The following SEC23IP variants were observed in gnomAD, a reference collection of about 807,000 sequenced individuals.
SEC23IP encodes the protein SEC23 interacting protein.
In SEC23IP, 70 loss-of-function variants were observed where a neutral mutation model predicts 113.4. The ratio of observed to expected loss-of-function variants is 0.62; its 90% CI spans 0.51 to 0.75. SEC23IP has a LOEUF of 0.75. SEC23IP is among the 30% of genes least tolerant of loss of function. The pLI is 0.00. For synonymous variants in SEC23IP, 398 were observed against 421.0 expected (o/e 0.95, Z 0.67); for missense variants, 1,160 against 1,204.9 (o/e 0.96, Z 0.55).
chr10:119,910,400 T>C (rs913455709), intron 5 of SEC23IP, among the ~76,000 whole-genome samples: 2 of 152,214 alleles, frequency 1.3e-5, no homozygotes, highest in African/African-American at 4.8e-5. Context: ...CAGGGTCATA[T>C]TTTAGATGAA....
At chr10:119,895,651 C>A (rs1439664211) in intron 1 of SEC23IP, among the ~76,000 whole-genome samples, 4 of 152,122 alleles carry the variant, frequency 2.6e-5, no homozygotes, top group Admixed American at 6.5e-5. Context: ...GGAGGTGATG[C>A]TTGAGCTGAG....
chr10:119,918,655 G>A (rs1855135803), intron 10 of SEC23IP, 144 bp downstream of exon 10: 2 of 635,610 alleles, frequency 3.1e-6, no homozygotes, highest in East Asian at 2.8e-5. Flanking sequence ...GGTTGCTTGG[G>A]CTAGTCTTGA....
intron 2 of SEC23IP, among the ~76,000 whole-genome samples, chr10:119,900,731 A>T (rs1225162177): frequency 6.6e-6 from 1 of 152,142 alleles, no homozygotes; most frequent in African/African-American, 2.4e-5. Context: ...AAGTGCTGGG[A>T]TTACAGGTGT....
rs896881253 is a variant in SEC23IP, at chr10:119,904,413, A to C, written c.1101+136A>C. 3 of 719,194 alleles carry C rather than the reference A, an allele frequency of 4.2e-6. No homozygotes were observed. The African/African-American group carries it at 5.4e-5, about 13-fold the overall frequency. The allele number at this position is 719,194 out of a possible 1,614,324, so 44.6% of individuals were successfully genotyped here. A position where few individuals can be genotyped will look rare whatever the true frequency, so the allele number is the denominator to read the frequency against. On this transcript the variant is annotated intron_variant, in intron 4 of 18. Transcript: ENST00000369075. ...TTTGATGCTGTTCACAGAGAAGATT[A>C]CTTTTTAAGTGGTGTCATCACTCAT...
intron 2 of SEC23IP, 54 bp downstream of exon 2, chr10:119,899,013 C>A: frequency 2.2e-6 from 3 of 1,381,678 alleles, no homozygotes; most frequent in Non-Finnish European, 2.9e-6. Flanking sequence ...TTCTTTCTCA[C>A]CTGAACCTAT....
chr10:119,919,599 A>C lies in SEC23IP; in HGVS notation c.2025+3A>C, dbSNP rs1855175650. On this transcript the variant is annotated splice_donor_region_variant and intron_variant, in intron 11 of 18. Coordinates refer to ENST00000369075, the MANE Select transcript of SEC23IP (RefSeq NM_007190.4). ...AAAAGATTGATATGGAGTCCCTGGT[A>C]CTGATCATAGTTTGCTTCATTTTGT... 1 of 1,582,794 alleles carries C rather than the reference A, an allele frequency of 6.3e-7. No homozygotes were observed. The highest frequency in any genetic ancestry group is 8.5e-7 in the Non-Finnish European group (1 of 1,170,100).
intron 13 of SEC23IP, among the ~76,000 whole-genome samples, chr10:119,926,631 T>C (rs1855433827): frequency 6.6e-6 from 1 of 152,234 alleles, no homozygotes; most frequent in African/African-American, 2.4e-5. Flanking sequence ...GGAAAAAGTC[T>C]TATAAAAATT....
intron 12 of SEC23IP, among the ~76,000 whole-genome samples, chr10:119,923,553 GTT>G (rs1244146793): frequency 7.0e-6 from 1 of 142,760 alleles, no homozygotes. Flanking sequence ...TGTTGGTTCC[GTT>G]TTTTTTTTTT....
In SEC23IP at chr10:119,894,889, AGTCTGT is replaced by A. The variant is rs1484197584; in HGVS notation, c.163+1947_163+1952del. ...TTTAATGCTTTTGTTTCTTGGAGACAGTCTGTGTGTGTGTGTGTGTGTGTGTGTGTG... is the reference window on the plus strand; with the variant it reads ...TTTAATGCTTTTGTTTCTTGGAGACAGTGTGTGTGTGTGTGTGTGTGTGTG... On this transcript the variant is annotated intron_variant, in intron 1 of 18. Coordinates refer to ENST00000369075, the MANE Select transcript of SEC23IP (RefSeq NM_007190.4). Among the ~76,000 whole-genome samples, 26 of 126,150 alleles carry A rather than the reference AGTCTGT, an allele frequency of 2.1e-4. No individual in the cohort carries two copies. The South Asian group carries it at 7.0e-3, about 34-fold the overall frequency. 82.8% of individuals were successfully genotyped at this position (126,150 alleles called of 152,430 possible). A position where few individuals can be genotyped will look rare whatever the true frequency, so the allele number is the denominator to read the frequency against.
chr10:119,941,513 A>G lies in SEC23IP; in HGVS notation c.*948A>G, dbSNP rs1855963661. 2 of 152,440 alleles carry G rather than the reference A, an allele frequency of 1.3e-5. No individual in the cohort carries two copies. Among genetic ancestry groups the G allele is most frequent in the Non-Finnish European group, 2.9e-5 (2 of 68,042 alleles). 9.4% of individuals were successfully genotyped at this position (152,440 alleles called of 1,614,324 possible). ...TCACTTTGTTTTACTACAAATTCAG[A>G]TCACTTTGTTTTACTATAAATTCAG... is the stretch of plus-strand genomic sequence containing the variant. On this transcript the variant is annotated 3_prime_UTR_variant, in exon 19 of 19. Coordinates refer to ENST00000369075, the MANE Select transcript of SEC23IP (RefSeq NM_007190.4).
chr10:119,932,338 C>T lies in SEC23IP; in HGVS notation c.2758+20C>T. On this transcript the variant is annotated intron_variant, in intron 16 of 18. Transcript: ENST00000369075. ...TTGAAGGTAAATTTGACATTTGAGGCATTTTCTAATACAAATGTTTCATAT... is the reference window on the plus strand; with the variant it reads ...TTGAAGGTAAATTTGACATTTGAGGTATTTTCTAATACAAATGTTTCATAT... 1 of 1,569,024 alleles carries T rather than the reference C, an allele frequency of 6.4e-7. No individual in the cohort carries two copies. Among genetic ancestry groups the T allele is most frequent in the Non-Finnish European group, 8.8e-7 (1 of 1,142,232 alleles).
rs114858086 is a variant in SEC23IP, at chr10:119,909,168, A to C, written c.1191+38A>C. ...TTCAAAATTTTAAGGTATTAAGTTCATTTTAATATTTTTCTGTGTATGTTT... is the reference window on the plus strand; with the variant it reads ...TTCAAAATTTTAAGGTATTAAGTTCCTTTTAATATTTTTCTGTGTATGTTT... On this transcript the variant is annotated intron_variant, in intron 5 of 18. Coordinates refer to ENST00000369075, the MANE Select transcript of SEC23IP (RefSeq NM_007190.4). The C allele has an allele frequency of 2.5e-3, 3,305 of 1,336,550 alleles. 65 individuals carry two copies. In the African/African-American group the frequency reaches 0.043, roughly 17 times the overall value. The allele number at this position is 1,336,550 out of a possible 1,614,324, so 82.8% of individuals were successfully genotyped here. A position where few individuals can be genotyped will look rare whatever the true frequency, so the allele number is the denominator to read the frequency against.
chr10:119,905,698 G>A (rs959522891), intron 4 of SEC23IP, among the ~76,000 whole-genome samples: 1 of 152,158 alleles, frequency 6.6e-6, no homozygotes, highest in Admixed American at 6.5e-5. Context: ...TTAATTTGAT[G>A]AAGACATGAT....
At position 119,898,718 on chromosome 10, in the gene SEC23IP, TA is replaced by T; in HGVS notation, c.458del (p.Asn153IlefsTer127). On this transcript the variant is annotated frameshift_variant, in exon 2 of 19. Coordinates refer to ENST00000369075, the MANE Select transcript of SEC23IP (RefSeq NM_007190.4). LOFTEE classifies it high-confidence loss of function. ...GCTCCACCTTCCTCACTGATGGGAA[TA>T]AATTCTTATCTGCCTTCTCAGCCAA... is the stretch of plus-strand genomic sequence containing the variant. The part of the protein sequence containing the change: ...PGAPPSSLMG[I>X]NSYLPSQPSS... 1 of 1,614,218 alleles carries T rather than the reference TA, an allele frequency of 6.2e-7. No individual in the cohort carries two copies. The highest frequency in any genetic ancestry group is 8.5e-7 in the Non-Finnish European group (1 of 1,180,026).
intron 12 of SEC23IP, among the ~76,000 whole-genome samples, chr10:119,923,203 A>G (rs1855306191): frequency 6.6e-6 from 1 of 152,154 alleles, no homozygotes; most frequent in South Asian, 2.1e-4. Context: ...TTTTGAAATG[A>G]GCAAAAATCT....
chr10:119,897,754 T>C (rs952473904), intron 1 of SEC23IP, among the ~76,000 whole-genome samples: 2 of 152,088 alleles, frequency 1.3e-5, no homozygotes, highest in Admixed American at 1.3e-4. Context: ...TCCCAGCACT[T>C]TGGGAGGCCA....
intron 11 of SEC23IP, among the ~76,000 whole-genome samples, chr10:119,919,880 A>C (rs1430495704): frequency 2.0e-5 from 3 of 152,244 alleles, no homozygotes; most frequent in Admixed American, 6.5e-5. Flanking sequence ...TTATAGACAG[A>C]GGGCTTACTT....
intron 18 of SEC23IP, among the ~76,000 whole-genome samples, chr10:119,940,187 ATTT>A (rs11289281): frequency 3.1e-5 from 4 of 128,148 alleles, no homozygotes; most frequent in Non-Finnish European, 1.6e-5. Flanking sequence ...TGGATTGTCC[ATTT>A]TTTTTTTTTT....
chr10:119,892,826 C>T lies in SEC23IP; in HGVS notation c.44C>T (p.Thr15Ile), dbSNP rs779418870. 4.3e-6 allele frequency: 7 copies of T among 1,613,330 alleles called. No homozygotes were observed. In the African/African-American group the frequency reaches 9.3e-5, roughly 22 times the overall value. ...AACGGTGGCAGCGGCGGCGCCTCCA[C>T]TTCCTCATCGGGCACTAACTTACTT... is the stretch of plus-strand genomic sequence containing the variant. ...KPNGGSGGAS[T>I]SSSGTNLLFS... The change falls in exon 1 of 19, where the codon ACT (threonine) becomes ATT (isoleucine). Residue 15 changes from threonine to isoleucine, a missense_variant. By Grantham distance (89) the Thr-to-Ile change is moderately conservative. Coordinates refer to ENST00000369075, the MANE Select transcript of SEC23IP (RefSeq NM_007190.4).
Sources: gnomAD v4.1 joint callset for allele counts (sites outside exome capture counted in the v4.1 genomes callset) on GRCh38, gnomAD v4.1.1 for gene constraint, MANE v1.5 for transcripts, NCBI Gene and HGNC (gene_info 2026-07-23, HGNC 2026-07-21) for gene names.